Variants in RNF220 observed in about 807,000 individuals in gnomAD.
RNF220 encodes the protein E3 ubiquitin-protein ligase RNF220.
Under a neutral mutation model 67.1 loss-of-function variants are expected in RNF220, and 7 were observed. That is an observed-to-expected ratio of 0.10 (90% confidence interval 0.06 to 0.20). The LOEUF is 0.20. Ranked by LOEUF, RNF220 falls within the 10% of genes least tolerant of loss-of-function variation. The pLI is 1.00. For synonymous variants in RNF220, 270 were observed against 283.2 expected, an observed-to-expected ratio of 0.95 and a Z score of 0.47; for missense variants, 565 against 740.3, an observed-to-expected ratio of 0.76 and a Z score of 2.75.
intron 5 of RNF220, chr1:44,632,134 T>G (rs1235480414): frequency 2.0e-6 from 3 of 1,520,192 alleles, no homozygotes; most frequent in Admixed American, 2.0e-5. Flanking sequence ...CGGGGTCCCG[T>G]TAGAGCAGCG....
intron 2 of RNF220, among the ~76,000 whole-genome samples, chr1:44,592,993 GT>G (rs1666223965): frequency 6.6e-6 from 1 of 152,170 alleles, no homozygotes; most frequent in South Asian, 2.1e-4. Context: ...AGAGGAAGGA[GT>G]TTTTGATGGG....
intron 2 of RNF220, among the ~76,000 whole-genome samples, chr1:44,568,902 T>A (rs1664231605): frequency 1.3e-5 from 2 of 150,442 alleles, no homozygotes; most frequent in Non-Finnish European, 3.0e-5. Context: ...CAAAAGATGG[T>A]TTGGGTCCAG....
At position 44,624,032 on chromosome 1, in the gene RNF220, G is replaced by A. The variant is rs1007953759; in HGVS notation, c.804+1245G>A. On this transcript the variant is annotated intron_variant, in intron 4 of 14. Coordinates refer to ENST00000361799, the MANE Select transcript of RNF220 (RefSeq NM_018150.4). This position sits in a 1 kb window ranked among gnomAD's most constrained non-coding sequence, Gnocchi z 4.2. The stretch of plus-strand genomic sequence containing the variant: ...CCTTTCAAAGGTATAGGAATGGATC[G>A]TGTACCTTCGTTTAGAAAACTGCTC... 1.3e-5 allele frequency among the ~76,000 whole-genome samples: 2 copies of A among 152,244 alleles called. No homozygotes were observed. The highest frequency in any genetic ancestry group is 2.9e-5 in the Non-Finnish European group (2 of 68,044).
intron 2 of RNF220, among the ~76,000 whole-genome samples, chr1:44,517,695 T>G (rs1482383240): frequency 6.6e-6 from 1 of 152,242 alleles, no homozygotes; most frequent in Non-Finnish European, 1.5e-5. Flanking sequence ...ATCAACACTG[T>G]GCACAGCACT....
chr1:44,420,342 A>T (rs1649070989), intron 2 of RNF220, among the ~76,000 whole-genome samples: 1 of 152,214 alleles, frequency 6.6e-6, no homozygotes, highest in African/African-American at 2.4e-5. Flanking sequence ...GTCTTTTTCC[A>T]CTGAAATTCA....
chr1:44,481,653 T>A (rs1051805002), intron 2 of RNF220, among the ~76,000 whole-genome samples: 2 of 152,022 alleles, frequency 1.3e-5, no homozygotes, highest in Non-Finnish European at 2.9e-5. Flanking sequence ...ATCCCTTTTC[T>A]TTGGTTTGTT....
At chr1:44,482,035 A>T (rs1359355320) in intron 2 of RNF220, among the ~76,000 whole-genome samples, 1 of 152,222 alleles carries the variant, frequency 6.6e-6, no homozygotes, top group East Asian at 1.9e-4. Flanking sequence ...TGTGTCAGGC[A>T]TTGCACCAGA....
At chr1:44,611,275 G>A (rs975495044) in intron 2 of RNF220, among the ~76,000 whole-genome samples, 1 of 152,204 alleles carries the variant, frequency 6.6e-6, no homozygotes, top group Non-Finnish European at 1.5e-5. Flanking sequence ...GTCCTGATAG[G>A]GAAACTGGGG....
At chr1:44,556,568 CTT>C (rs59473428) in intron 2 of RNF220, among the ~76,000 whole-genome samples, 1 of 140,712 alleles carries the variant, frequency 7.1e-6, no homozygotes, top group African/African-American at 2.8e-5. Context: ...TCTTCCTGTT[CTT>C]TTTTTTTTTG....
chr1:44,560,390 A>G (rs1663472842), intron 2 of RNF220, among the ~76,000 whole-genome samples: 1 of 152,236 alleles, frequency 6.6e-6, no homozygotes, highest in African/African-American at 2.4e-5. Flanking sequence ...CTTTCTTGCC[A>G]TCATCAGTTC....
At chr1:44,553,142 C>T (rs1267624585) in intron 2 of RNF220, among the ~76,000 whole-genome samples, 1 of 152,226 alleles carries the variant, frequency 6.6e-6, no homozygotes, top group South Asian at 2.1e-4. Flanking sequence ...CTGTCCACCC[C>T]ACAAGAGTAG....
At chr1:44,528,025 C>A (rs1214436786) in intron 2 of RNF220, among the ~76,000 whole-genome samples, 3 of 149,784 alleles carry the variant, frequency 2.0e-5, no homozygotes, top group Non-Finnish European at 4.4e-5. Context: ...AATGAAGTCA[C>A]CAAAAATTCT....
At chr1:44,526,072 C>T (rs1028136084) in intron 2 of RNF220, among the ~76,000 whole-genome samples, 4 of 152,330 alleles carry the variant, frequency 2.6e-5, no homozygotes, top group East Asian at 1.9e-4. Context: ...AGAATTTCTT[C>T]GTGCCATTTC....
At chr1:44,457,586 G>A (rs529416366) in intron 2 of RNF220, among the ~76,000 whole-genome samples, 7 of 151,998 alleles carry the variant, frequency 4.6e-5, no homozygotes, top group African/African-American at 1.7e-4. Context: ...CTGGTTGAGA[G>A]TAGGGGTAGA....
Position 44,569,972 on chromosome 1 carries a change from G to A in RNF220, c.626-44193G>A, listed in dbSNP as rs551063981. 8.5e-5 allele frequency among the ~76,000 whole-genome samples: 13 copies of A among 152,222 alleles called. No homozygotes were observed. The South Asian group carries it at 2.5e-3, about 29-fold the overall frequency. ...AGGTGCTGTGAGCTCCTAGAAGATC[G>A]GGCACCCTTGGGACCATCCTATGAA... On this transcript the variant is annotated intron_variant, in intron 2 of 14. Transcript: ENST00000361799.
chr1:44,594,111 T>C (rs1345894014), intron 2 of RNF220, among the ~76,000 whole-genome samples: 1 of 150,112 alleles, frequency 6.7e-6, no homozygotes, highest in Admixed American at 6.6e-5. Context: ...AGGGATAAAC[T>C]CTTATAGTCC....
At position 44,624,423 on chromosome 1, in the gene RNF220, A is replaced by G. The variant is rs1557449778; in HGVS notation, c.804+1636A>G. ...TCCCCACATATACAGACCCACACACACACTCAGGTCAGAATACAGACATAG... is the reference window on the plus strand; with the variant it reads ...TCCCCACATATACAGACCCACACACGCACTCAGGTCAGAATACAGACATAG... On this transcript the variant is annotated intron_variant, in intron 4 of 14. Coordinates refer to ENST00000361799, the MANE Select transcript of RNF220 (RefSeq NM_018150.4). The surrounding 1 kb of genome is among the most constrained non-coding windows in gnomAD (Gnocchi z 4.2). Among the ~76,000 whole-genome samples the G allele has an allele frequency of 6.6e-6, 1 of 152,180 alleles. No homozygotes were observed. The highest frequency in any genetic ancestry group is 6.5e-5 in the Admixed American group (1 of 15,284).
chr1:44,635,391 A>T, intron 6 of RNF220, 154 bp from the exon 7 acceptor site: 1 of 1,184,004 alleles, frequency 8.4e-7, no homozygotes, highest in South Asian at 1.6e-5. Context: ...TCCCCAAAGG[A>T]GCAGGAGGTA....
Position 44,650,964 on chromosome 1 carries a change from C to A in RNF220, c.*189C>A. The A allele has an allele frequency of 1.6e-6, 1 of 611,526 alleles. No homozygotes were observed. The highest frequency in any genetic ancestry group is 3.0e-6 in the Non-Finnish European group (1 of 334,652). The allele number at this position is 611,526 out of a possible 1,614,324, so 37.9% of individuals were successfully genotyped here. ...TCTGGAGCCAGAGTAGAGGCTGTGG[C>A]CCAGGCACTACCTGCTGGCTCCCAC... is the stretch of plus-strand genomic sequence containing the variant. On this transcript the variant is annotated 3_prime_UTR_variant, in exon 15 of 15. Coordinates refer to ENST00000361799, the MANE Select transcript of RNF220 (RefSeq NM_018150.4). The surrounding 1 kb of genome is among the most constrained non-coding windows in gnomAD (Gnocchi z 4.3).
Sources: gnomAD v4.1 joint callset for allele counts (sites outside exome capture counted in the v4.1 genomes callset) on GRCh38, gnomAD v4.1.1 for gene constraint, Gnocchi (gnomAD v3.1) non-coding constraint, MANE v1.5 for transcripts, NCBI Gene and HGNC (gene_info 2026-07-23, HGNC 2026-07-21) for gene names.